The following PLCH2 variants were observed in gnomAD, a reference collection of about 807,000 sequenced individuals.
PLCH2 encodes the protein 1-phosphatidylinositol 4,5-bisphosphate phosphodiesterase eta-2.
In PLCH2, 98 loss-of-function variants were observed where a neutral mutation model predicts 134.7. The ratio of observed to expected loss-of-function variants is 0.73; its 90% CI spans 0.62 to 0.86. PLCH2 has a LOEUF of 0.86. Among genes scored for constraint, PLCH2 ranks in the 40% least tolerant of loss-of-function variants. The pLI is 0.00. For synonymous variants in PLCH2, 974 were observed against 827.5 expected (o/e 1.18, Z -3.04); for missense variants, 1,994 against 1,986.6 (o/e 1.00, Z -0.07).
chr1:2,422,617 T>TTGTTACATTATCATCTGTTG (rs1423630691), upstream of PLCH2, among the ~76,000 whole-genome samples: 1 of 152,254 alleles, frequency 6.6e-6, no homozygotes, highest in South Asian at 2.1e-4. Flanking sequence ...ACTTTTTGTA[T>TTGTTACATTATCATCTGTTG]TGTTACATTA....
intron 1 of PLCH2, among the ~76,000 whole-genome samples, chr1:2,468,244 T>C (rs1235731950): frequency 4.6e-5 from 7 of 152,242 alleles, no homozygotes. Context: ...GGGCCTGCAG[T>C]TGCTGTGCGT....
upstream of PLCH2, among the ~76,000 whole-genome samples, chr1:2,463,586 T>C (rs1305313557): frequency 6.6e-6 from 1 of 152,116 alleles, no homozygotes. Context: ...CGGGAGGCGG[T>C]TTCTCAGGGC....
intron 19 of PLCH2, 94 bp downstream of exon 19, chr1:2,499,324 T>C: frequency 2.8e-6 from 4 of 1,412,540 alleles, no homozygotes; most frequent in Non-Finnish European, 3.9e-6. Flanking sequence ...CCTGTGTAGG[T>C]GGGCCTGCAC....
At chr1:2,458,116 G>A (rs527695054) in intron 2 of PLCH2, among the ~76,000 whole-genome samples, 17 of 152,280 alleles carry the variant, frequency 1.1e-4, no homozygotes, top group Admixed American at 2.6e-4. Flanking sequence ...TGGGCACCCA[G>A]GCCTGTCCTC....
upstream of PLCH2, among the ~76,000 whole-genome samples, chr1:2,476,126 C>T (rs1395639416): frequency 6.6e-6 from 1 of 152,242 alleles, no homozygotes; most frequent in East Asian, 1.9e-4. Flanking sequence ...TCTTGTCCCG[C>T]AGCCCTGACC....
chr1:2,433,865 G>A (rs933834736), intron 2 of PLCH2, among the ~76,000 whole-genome samples: 1 of 152,200 alleles, frequency 6.6e-6, no homozygotes, highest in Non-Finnish European at 1.5e-5. Flanking sequence ...CTCCACGGAT[G>A]TGCCCACACT....
upstream of PLCH2, among the ~76,000 whole-genome samples, chr1:2,474,092 G>C: frequency 6.6e-6 from 1 of 151,874 alleles, no homozygotes; most frequent in East Asian, 1.9e-4. Context: ...GGCAGGGTGA[G>C]CATGAGGGCC....
At chr1:2,436,009 T>C (rs1475172544) in intron 2 of PLCH2, among the ~76,000 whole-genome samples, 700 of 58,594 alleles carry the variant, frequency 0.012, 2 homozygotes, top group Non-Finnish European at 0.017. Context: ...TTCCTCCCGC[T>C]TCCCTCCTCT....
intron 11 of PLCH2, among the ~76,000 whole-genome samples, chr1:2,494,120 T>A (rs557795468): frequency 6.6e-6 from 1 of 152,196 alleles, no homozygotes; most frequent in Admixed American, 6.5e-5. Context: ...GGATGTGGTA[T>A]GGGAGCCCCT....
rs901872825 is a variant in PLCH2, at chr1:2,460,901, G to A, written c.116-17575G>A. Among the ~76,000 whole-genome samples the A allele has an allele frequency of 2.0e-5, 3 of 152,232 alleles. No homozygotes were observed. In the East Asian group the frequency reaches 5.8e-4, roughly 29 times the overall value. On this transcript the variant is annotated intron_variant, in intron 2 of 3. Transcript: ENST00000609981. ...TCCCCACCTGCAGGGCAACAGCTGC[G>A]GGTTCGCCTCTTCTCTCTCTGCCCT...
intron 2 of PLCH2, among the ~76,000 whole-genome samples, chr1:2,441,939 G>A (rs539873323): frequency 6.6e-6 from 1 of 152,316 alleles, no homozygotes; most frequent in African/African-American, 2.4e-5. Flanking sequence ...GGCAGAGGCT[G>A]CTAGAGCCCG....
chr1:2,471,481 G>T (rs970755985), upstream of PLCH2, among the ~76,000 whole-genome samples: 8 of 152,246 alleles, frequency 5.3e-5, no homozygotes, highest in African/African-American at 1.7e-4. Context: ...AACTGGGACT[G>T]CTTTGGACAC....
At chr1:2,466,889 C>G (rs879686079), upstream of PLCH2, among the ~76,000 whole-genome samples, 2 of 152,228 alleles carry the variant, frequency 1.3e-5, no homozygotes, top group Non-Finnish European at 2.9e-5. Context: ...TGTAGCAGCA[C>G]GCAGGGCTGC....
At chr1:2,484,914 C>T (rs1192130857) in intron 5 of PLCH2, among the ~76,000 whole-genome samples, 6 of 152,128 alleles carry the variant, frequency 3.9e-5, no homozygotes, top group Non-Finnish European at 7.4e-5. Flanking sequence ...CTCCAGGGGC[C>T]CCTGAATGGC....
At chr1:2,433,924 T>G (rs1639191365) in intron 2 of PLCH2, among the ~76,000 whole-genome samples, 2 of 152,206 alleles carry the variant, frequency 1.3e-5, no homozygotes, top group South Asian at 4.1e-4. Flanking sequence ...ACGTTTGAAT[T>G]TTCCCCTGGA....
intron 2 of PLCH2, among the ~76,000 whole-genome samples, chr1:2,443,294 G>A (rs1247558525): frequency 6.6e-6 from 1 of 152,118 alleles, no homozygotes. Flanking sequence ...GGTGGCCCAG[G>A]CCCCAGTCCT....
In PLCH2 at chr1:2,478,463, C is replaced by T. The variant is rs756687166; in HGVS notation, c.125-13C>T. On this transcript the variant is annotated splice_polypyrimidine_tract_variant and intron_variant, in intron 1 of 21. Transcript: ENST00000378486. ...TGTGCCTCCGCTGACAGCCGTGTCT[C>T]TCCCGTGTCCAGTGGAGCGGTGCAT... 9 of 1,612,444 alleles carry T rather than the reference C, an allele frequency of 5.6e-6. No individual in the cohort carries two copies. The highest frequency in any genetic ancestry group is 2.2e-5 in the South Asian group (2 of 91,082).
chr1:2,453,289 G>C (rs1006221837), intron 2 of PLCH2, among the ~76,000 whole-genome samples: 3 of 152,242 alleles, frequency 2.0e-5, no homozygotes, highest in Non-Finnish European at 4.4e-5. Context: ...CCCGTGTGGT[G>C]CTGCTTGGGA....
chr1:2,433,848 C>T (rs554978283), intron 2 of PLCH2, among the ~76,000 whole-genome samples: 12 of 152,360 alleles, frequency 7.9e-5, no homozygotes, highest in African/African-American at 2.9e-4. Context: ...TCAGAGCCAT[C>T]GACTCCCTCC....
Sources: gnomAD v4.1 joint callset for allele counts (sites outside exome capture counted in the v4.1 genomes callset) on GRCh38, gnomAD v4.1.1 for gene constraint, MANE v1.5 for transcripts, NCBI Gene and HGNC (gene_info 2026-07-23, HGNC 2026-07-21) for gene names.